The following PDZD2 variants were observed in gnomAD, a reference collection of about 807,000 sequenced individuals.
PDZD2 encodes PDZ domain containing 2.
PDZD2 carries 90 observed loss-of-function variants against 220.7 expected under a neutral mutation model. The ratio of observed to expected loss-of-function variants is 0.41; its 90% CI spans 0.34 to 0.49. The LOEUF (loss-of-function observed/expected upper bound fraction) is 0.49, where lower values mean the gene tolerates loss of function less well. Ranked by LOEUF, PDZD2 falls within the 20% of genes least tolerant of loss-of-function variation. The pLI is 0.28. For missense variants in PDZD2, 3,174 were observed against 3,608.5 expected (o/e 0.88, Z 3.08); for synonymous variants, 1,375 against 1,450.5 (o/e 0.95, Z 1.18).
intron 1 of PDZD2, among the ~76,000 whole-genome samples, chr5:31,685,581 T>C (rs1215927399): frequency 1.3e-5 from 2 of 152,200 alleles, no homozygotes; most frequent in Non-Finnish European, 2.9e-5. Flanking sequence ...TGGAGTGCAA[T>C]GGTGTTTTCT....
chr5:31,976,174 C>G (rs1749751325), intron 2 of PDZD2, among the ~76,000 whole-genome samples: 1 of 152,104 alleles, frequency 6.6e-6, no homozygotes, highest in Non-Finnish European at 1.5e-5. Context: ...AACCTGGGTC[C>G]CATCCCTCTT....
intron 1 of PDZD2, among the ~76,000 whole-genome samples, chr5:31,650,860 A>C (rs964358724): frequency 1.3e-5 from 2 of 152,320 alleles, no homozygotes; most frequent in Non-Finnish European, 2.9e-5. Flanking sequence ...CTAGCTGATA[A>C]GAGCCCTAGG....
chr5:31,797,622 C>G (rs1004357696), intron 1 of PDZD2, among the ~76,000 whole-genome samples: 1 of 151,996 alleles, frequency 6.6e-6, no homozygotes, highest in Admixed American at 6.6e-5. Flanking sequence ...TGTGAGCCAC[C>G]GCGCCCAGCC....
intron 2 of PDZD2, among the ~76,000 whole-genome samples, chr5:31,810,189 G>A (rs957165661): frequency 1.3e-5 from 2 of 151,192 alleles, no homozygotes; most frequent in Middle Eastern, 3.5e-3. Flanking sequence ...TACTAAATAC[G>A]TTATGAACAT....
rs191233449 is a variant in PDZD2 at position 31,784,374 on chromosome 5, G to T, written c.-360-14515G>T. Among the ~76,000 whole-genome samples, 4 of 152,264 alleles carry T rather than the reference G, an allele frequency of 2.6e-5. No individual in the cohort carries two copies. The East Asian group carries it at 5.8e-4, about 22-fold the overall frequency. ...TTAAACTAGTAAATACAACATACAGGGTTGGATAGCCAGTCTCCAAGTTTC... is the reference window on the plus strand; with the variant it reads ...TTAAACTAGTAAATACAACATACAGTGTTGGATAGCCAGTCTCCAAGTTTC... On this transcript the variant is annotated intron_variant, in intron 1 of 24. Transcript: ENST00000438447.
chr5:31,965,176 A>G (rs1748618146), intron 2 of PDZD2, among the ~76,000 whole-genome samples: 1 of 152,230 alleles, frequency 6.6e-6, no homozygotes, highest in South Asian at 2.1e-4. Flanking sequence ...AATAAGCAAG[A>G]AAGAAAAGAG....
At chr5:32,017,467 T>C (rs1257330437) in intron 6 of PDZD2, among the ~76,000 whole-genome samples, 1 of 149,156 alleles carries the variant, frequency 6.7e-6, no homozygotes, top group Non-Finnish European at 1.5e-5. Flanking sequence ...TAGAAAAAAA[T>C]AGTTTAAAAT....
chr5:32,108,116 A>T lies in PDZD2; in HGVS notation c.8501A>T (p.Lys2834Met). 6.3e-7 allele frequency: 1 copy of T among 1,599,238 alleles called. No individual in the cohort carries two copies. ...GGACCTGTGCAGTTATTAATTAGAAAGCATAGGAATTCTTCATGAATTTTA... is the reference window on the plus strand; with the variant it reads ...GGACCTGTGCAGTTATTAATTAGAATGCATAGGAATTCTTCATGAATTTTA... Reference protein sequence around the residue: ...PEGPVQLLIRKHRNSS With the variant: ...PEGPVQLLIRMHRNSS Residue 2834 changes from lysine (K) to methionine (M), a missense_variant, in exon 25 of 25, where the codon AAG becomes ATG. Physicochemically the swap from Lys to Met is moderately conservative, Grantham distance 95. This residue lies in a region of PDZD2 where 631 missense variants were observed against 789.9 expected (regional missense o/e 0.80). Transcript: ENST00000438447.
At position 31,751,535 on chromosome 5, in the gene PDZD2, G is replaced by A. The variant is rs28512477; in HGVS notation, c.-360-47354G>A. Among the ~76,000 whole-genome samples the A allele has an allele frequency of 6.0e-3, 915 of 152,272 alleles. 13 individuals are homozygous for A. The highest frequency in any genetic ancestry group is 0.021 in the African/African-American group (886 of 41,558). ...CTCTAAGGCTTTTATATCAGGAATT[G>A]CGTGGAAAGATGATGGTAAGCCCAT... On this transcript the variant is annotated intron_variant, in intron 1 of 24. Transcript: ENST00000438447.
chr5:32,077,044 T>C (rs538677776), intron 18 of PDZD2, among the ~76,000 whole-genome samples: 2 of 152,348 alleles, frequency 1.3e-5, no homozygotes, highest in African/African-American at 2.4e-5. Context: ...TCTTGAAATA[T>C]GAAATGTCAA....
intron 2 of PDZD2, among the ~76,000 whole-genome samples, chr5:31,908,082 CAAAAAA>C (rs55741622): frequency 9.1e-5 from 7 of 76,886 alleles, no homozygotes; most frequent in African/African-American, 2.7e-4. Flanking sequence ...GGCTCCGTCT[CAAAAAA>C]AAAAAAAAAA....
intron 2 of PDZD2, among the ~76,000 whole-genome samples, chr5:31,813,081 C>T (rs1393956515): frequency 6.6e-6 from 1 of 152,232 alleles, no homozygotes; most frequent in African/African-American, 2.4e-5. Context: ...AGAAAAACCT[C>T]ATCCTAAGCA....
At chr5:31,850,324 C>CT (rs1757982281) in intron 2 of PDZD2, among the ~76,000 whole-genome samples, 1 of 137,450 alleles carries the variant, frequency 7.3e-6, no homozygotes, top group South Asian at 2.3e-4. Flanking sequence ...ATGCCCATCC[C>CT]AATAAGGAAA....
chr5:31,969,527 A>AAAAAAAAAAAAAAAAAAAAAAAAAAAAAC (rs1749091364), intron 2 of PDZD2, among the ~76,000 whole-genome samples: 1 of 148,478 alleles, frequency 6.7e-6, no homozygotes, highest in Admixed American at 6.8e-5. Flanking sequence ...AAAAAAAAAA[A>AAAAAAAAAAAAAAAAAAAAAAAAAAAAAC]AAAAAAAACA....
At chr5:31,915,586 A>G (rs566950017) in intron 2 of PDZD2, among the ~76,000 whole-genome samples, 11 of 152,306 alleles carry the variant, frequency 7.2e-5, no homozygotes, top group African/African-American at 2.4e-4. Context: ...GGGCAAGCTT[A>G]CCATTTGCTC....
At chr5:31,778,352 C>T (rs945650919) in intron 1 of PDZD2, among the ~76,000 whole-genome samples, 1 of 152,182 alleles carries the variant, frequency 6.6e-6, no homozygotes, top group African/African-American at 2.4e-5. Context: ...AAGCTTTGTT[C>T]TTTCGCTCTT....
chr5:31,717,411 C>G (rs958820597), intron 1 of PDZD2, among the ~76,000 whole-genome samples: 1 of 152,302 alleles, frequency 6.6e-6, no homozygotes, highest in African/African-American at 2.4e-5. Flanking sequence ...AATCATTGCC[C>G]TATTAAAAGC....
At chr5:31,929,244 C>G (rs1745043627) in intron 2 of PDZD2, among the ~76,000 whole-genome samples, 1 of 152,104 alleles carries the variant, frequency 6.6e-6, no homozygotes, top group Non-Finnish European at 1.5e-5. Flanking sequence ...AATTTTCTGC[C>G]CCCTGTCAGC....
chr5:31,785,424 T>TTA (rs537746191), intron 1 of PDZD2, among the ~76,000 whole-genome samples: 455 of 147,726 alleles, frequency 3.1e-3, no homozygotes, highest in African/African-American at 0.01. Context: ...GTCATATATA[T>TTA]TATATATATA....
Sources: gnomAD v4.1 joint callset for allele counts (sites outside exome capture counted in the v4.1 genomes callset) on GRCh38, gnomAD v4.1.1 for gene constraint, gnomAD v4.1.1 regional missense constraint, MANE v1.5 for transcripts, NCBI Gene and HGNC (gene_info 2026-07-23, HGNC 2026-07-21) for gene names.